VTI1A: variants seen among roughly 807,000 people sequenced by gnomAD.
VTI1A encodes the protein vesicle transport through interaction with t-SNAREs 1A.
Under a neutral mutation model 34.9 loss-of-function variants are expected in VTI1A, and 22 were observed. That is an observed-to-expected ratio of 0.63 (90% CI 0.45 to 0.90). VTI1A has a LOEUF of 0.90. VTI1A is among the 40% of genes least tolerant of loss of function. The pLI, the probability that VTI1A is intolerant of heterozygous loss-of-function variation, is 0.00. For synonymous variants in VTI1A, 87 were observed against 97.3 expected, an observed-to-expected ratio of 0.89 and a Z score of 0.62; for missense variants, 268 against 275.6, an observed-to-expected ratio of 0.97 and a Z score of 0.20.
In VTI1A at chr10:112,687,480, G is replaced by A. The variant is rs141660800; in HGVS notation, c.560+18482G>A. ...GATCTCCTGACCTCGTGATCTGCCC[G>A]CCTCGGCCTCCCAAAGTGCAGGGAT... On this transcript the variant is annotated intron_variant, in intron 7 of 7. Transcript: ENST00000393077. Among the ~76,000 whole-genome samples, 329 of 151,636 alleles carry A rather than the reference G, an allele frequency of 2.2e-3. 2 individuals are homozygous for A. Among genetic ancestry groups the A allele is most frequent in the Middle Eastern group, 6.8e-3 (2 of 294 alleles).
intron 7 of VTI1A, among the ~76,000 whole-genome samples, chr10:112,742,618 G>C (rs1850731425): frequency 6.6e-6 from 1 of 152,192 alleles, no homozygotes; most frequent in Non-Finnish European, 1.5e-5. Flanking sequence ...GCTTTATACA[G>C]ATCTCCTTTC....
chr10:112,614,272 A>C (rs748048243), intron 5 of VTI1A, among the ~76,000 whole-genome samples: 1 of 152,146 alleles, frequency 6.6e-6, no homozygotes, highest in African/African-American at 2.4e-5. Flanking sequence ...GGCATTATCA[A>C]ATGTTGAAGT....
intron 3 of VTI1A, among the ~76,000 whole-genome samples, chr10:112,509,587 G>A (rs1304832623): frequency 3.9e-5 from 6 of 152,208 alleles, no homozygotes; most frequent in Non-Finnish European, 7.3e-5. Flanking sequence ...TCTAACTGGG[G>A]CTACCATGCC....
chr10:112,474,093 G>A (rs888475895), intron 3 of VTI1A, among the ~76,000 whole-genome samples: 8 of 151,358 alleles, frequency 5.3e-5, no homozygotes, highest in Admixed American at 1.3e-4. Flanking sequence ...ATGGAGTCTC[G>A]CTCTGTCGCC....
intron 7 of VTI1A, among the ~76,000 whole-genome samples, chr10:112,773,844 G>A (rs1473937845): frequency 1.3e-5 from 2 of 152,200 alleles, no homozygotes; most frequent in African/African-American, 4.8e-5. Flanking sequence ...TCTGGGGTGG[G>A]CAGCAGAGAG....
chr10:112,482,231 T>G (rs1848482920), intron 3 of VTI1A, among the ~76,000 whole-genome samples: 1 of 152,206 alleles, frequency 6.6e-6, no homozygotes. Context: ...TTTTGGTTCA[T>G]AAGTATATTA....
intron 5 of VTI1A, among the ~76,000 whole-genome samples, chr10:112,628,010 G>A (rs950488652): frequency 2.6e-4 from 40 of 152,220 alleles, no homozygotes; most frequent in African/African-American, 8.4e-4. Context: ...AGAAGTGGAC[G>A]CCAAGGTCTT....
At chr10:112,591,050 G>A (rs981557104) in intron 5 of VTI1A, among the ~76,000 whole-genome samples, 4 of 152,158 alleles carry the variant, frequency 2.6e-5, no homozygotes, top group African/African-American at 4.8e-5. Flanking sequence ...GCAGTGAGCC[G>A]AGATTGCATC....
At position 112,462,988 on chromosome 10, in the gene VTI1A, G is replaced by A. The variant is rs573399950; in HGVS notation, c.154-1559G>A. On this transcript the variant is annotated intron_variant, in intron 2 of 7. Coordinates refer to ENST00000393077, the MANE Select transcript of VTI1A (RefSeq NM_145206.4). ...CGCCCAGGCTGGAGTGCAGTGGCAC[G>A]ATCTCGGCTCACTGCAACCTCTACC... Among the ~76,000 whole-genome samples, 6 of 152,078 alleles carry A rather than the reference G, an allele frequency of 3.9e-5. No individual in the cohort carries two copies. The South Asian group carries it at 1.0e-3, about 26-fold the overall frequency.
intron 7 of VTI1A, among the ~76,000 whole-genome samples, chr10:112,798,912 C>T (rs1186346702): frequency 6.6e-6 from 1 of 152,220 alleles, no homozygotes; most frequent in Admixed American, 6.5e-5. Flanking sequence ...GAGTCACCAG[C>T]TGGGCTTTTC....
chr10:112,758,402 T>G (rs536435956), intron 7 of VTI1A, among the ~76,000 whole-genome samples: 82 of 148,128 alleles, frequency 5.5e-4, no homozygotes, highest in African/African-American at 1.9e-3. Context: ...ATTTGTCTAC[T>G]CCAGGATCAC....
intron 5 of VTI1A, among the ~76,000 whole-genome samples, chr10:112,628,574 T>C (rs12412059): frequency 1.3e-5 from 2 of 152,302 alleles, no homozygotes; most frequent in East Asian, 3.9e-4. Flanking sequence ...CATGGTTTAA[T>C]AGTTGTTCAA....
intron 3 of VTI1A, among the ~76,000 whole-genome samples, chr10:112,471,486 T>C (rs1589804376): frequency 6.6e-6 from 1 of 151,590 alleles, no homozygotes; most frequent in East Asian, 1.9e-4. Context: ...CTAATCACCT[T>C]ATGTTTTAGA....
At chr10:112,709,464 G>A (rs990612392) in intron 7 of VTI1A, among the ~76,000 whole-genome samples, 5 of 151,658 alleles carry the variant, frequency 3.3e-5, no homozygotes, top group African/African-American at 4.8e-5. Context: ...CCCTCCCCTC[G>A]CTTGACCTGC....
chr10:112,799,273 T>A (rs114321403), intron 7 of VTI1A, among the ~76,000 whole-genome samples: 1 of 152,180 alleles, frequency 6.6e-6, no homozygotes, highest in African/African-American at 2.4e-5. Context: ...AATTTCTTCC[T>A]TAGTAACTAG....
chr10:112,712,179 TTC>T lies in VTI1A; in HGVS notation c.560+43184_560+43185del, dbSNP rs1849440889. Among the ~76,000 whole-genome samples the T allele has an allele frequency of 2.6e-5, 4 of 152,172 alleles. No individual in the cohort carries two copies. In the South Asian group the frequency reaches 8.3e-4, roughly 32 times the overall value. ...ATATCCTGCCTGGATATCTTCATTCTTCTCACCCTTCCTCCCAGCCAAAAAGT... is the reference window on the plus strand; with the variant it reads ...ATATCCTGCCTGGATATCTTCATTCTTCACCCTTCCTCCCAGCCAAAAAGT... On this transcript the variant is annotated intron_variant, in intron 7 of 7. Transcript: ENST00000393077.
At chr10:112,570,348 AC>A (rs1852072795) in intron 5 of VTI1A, among the ~76,000 whole-genome samples, 1 of 152,110 alleles carries the variant, frequency 6.6e-6, no homozygotes, top group South Asian at 2.1e-4. Context: ...GCAAAGCAGC[AC>A]TTCTTATGGG....
intron 5 of VTI1A, among the ~76,000 whole-genome samples, chr10:112,606,947 G>T (rs1008624888): frequency 6.6e-6 from 1 of 152,044 alleles, no homozygotes; most frequent in East Asian, 1.9e-4. Flanking sequence ...TCTCATCCTC[G>T]CAGCAACCCA....
intron 7 of VTI1A, among the ~76,000 whole-genome samples, chr10:112,718,267 T>C (rs2133934950): frequency 6.6e-6 from 1 of 152,266 alleles, no homozygotes; most frequent in Non-Finnish European, 1.5e-5. Flanking sequence ...ACCTGGGAGA[T>C]TGATGGTACT....
Sources: gnomAD v4.1 joint callset for allele counts (sites outside exome capture counted in the v4.1 genomes callset) on GRCh38, gnomAD v4.1.1 for gene constraint, MANE v1.5 for transcripts, NCBI Gene and HGNC (gene_info 2026-07-23, HGNC 2026-07-21) for gene names.